Variants in XNDC1N observed in about 807,000 individuals in gnomAD.
The protein encoded by XNDC1N is protein XNDC1N.
the XNDC1N span, among the ~76,000 whole-genome samples, chr11:71,880,560 G>A: frequency 6.6e-6 from 1 of 151,956 alleles, no homozygotes; most frequent in Non-Finnish European, 1.5e-5. Context: ...TCCTAAGTTT[G>A]GATTTCATTT....
At chr11:71,872,508 G>T in the XNDC1N span, among the ~76,000 whole-genome samples, 1 of 152,068 alleles carries the variant, frequency 6.6e-6, no homozygotes, top group Non-Finnish European at 1.5e-5. Context: ...TGGATCACAA[G>T]ATCAGGAGAT....
At chr11:71,925,786 A>C in the XNDC1N span, 1 of 152,122 alleles carries the variant, frequency 6.6e-6, no homozygotes, top group African/African-American at 2.4e-5. Flanking sequence ...AGGCTGAGGC[A>C]GGAGAATGGC....
At chr11:71,865,794 T>G in the XNDC1N span, 46,881 of 417,678 alleles carry the variant, frequency 0.11, 6,143 homozygotes, top group African/African-American at 0.44. Flanking sequence ...GCTGTGGGGA[T>G]GTTTCCTTTA....
chr11:71,921,382 A>C, the XNDC1N span, among the ~76,000 whole-genome samples: 2 of 151,910 alleles, frequency 1.3e-5, no homozygotes, highest in African/African-American at 4.8e-5. Flanking sequence ...GGGCTCAAGC[A>C]ATCTGCCCGC....
the XNDC1N span, chr11:71,918,814 T>C: frequency 1.5e-5 from 10 of 682,350 alleles, 1 homozygote; most frequent in Admixed American, 1.7e-4. Flanking sequence ...TGAGACATGT[T>C]AGTGGAGTAG....
the XNDC1N span, among the ~76,000 whole-genome samples, chr11:71,921,925 A>C: frequency 1.3e-5 from 2 of 152,086 alleles, no homozygotes; most frequent in Non-Finnish European, 2.9e-5. Context: ...ACTCTGGGAG[A>C]CCAAGGCAGG....
At chr11:71,916,292 A>G in the XNDC1N span, 6 of 699,730 alleles carry the variant, frequency 8.6e-6, no homozygotes, top group African/African-American at 1.8e-5. Flanking sequence ...GGGGAATGGA[A>G]ATGCATAAAT....
chr11:71,872,645 G>A, the XNDC1N span, among the ~76,000 whole-genome samples: 25 of 152,128 alleles, frequency 1.6e-4, no homozygotes, highest in Non-Finnish European at 3.1e-4. Context: ...GGAGAATGGC[G>A]TGAACCTGGG....
chr11:71,891,470 C>G, the XNDC1N span, among the ~76,000 whole-genome samples: 1 of 151,808 alleles, frequency 6.6e-6, no homozygotes. Context: ...TGTCATCCTC[C>G]CCAAACCTGG....
chr11:71,917,453 C>G, the XNDC1N span: 1 of 651,034 alleles, frequency 1.5e-6, no homozygotes, highest in Non-Finnish European at 2.8e-6. Flanking sequence ...ATCTCACACA[C>G]AAGCACACCA....
At chr11:71,875,745 C>T in the XNDC1N span, among the ~76,000 whole-genome samples, 1 of 152,064 alleles carries the variant, frequency 6.6e-6, no homozygotes, top group Non-Finnish European at 1.5e-5. Flanking sequence ...AAGCTGGCAG[C>T]GCCGGGCACG....
the XNDC1N span, among the ~76,000 whole-genome samples, chr11:71,889,966 G>A: frequency 1.3e-5 from 2 of 152,136 alleles, no homozygotes; most frequent in African/African-American, 2.4e-5. Context: ...CTCAGACAAC[G>A]GGCCTGCGTT....
chr11:71,872,367 T>C, the XNDC1N span, among the ~76,000 whole-genome samples: 1 of 152,208 alleles, frequency 6.6e-6, no homozygotes, highest in South Asian at 2.1e-4. Flanking sequence ...ACTAATACAC[T>C]ACCCCTGTGA....
At chr11:71,875,304 T>G in the XNDC1N span, among the ~76,000 whole-genome samples, 1 of 152,060 alleles carries the variant, frequency 6.6e-6, no homozygotes, top group Non-Finnish European at 1.5e-5. Flanking sequence ...TAATGGAAAG[T>G]AAATAAACTA....
At chr11:71,894,982 T>C in the XNDC1N span, among the ~76,000 whole-genome samples, 1 of 152,194 alleles carries the variant, frequency 6.6e-6, no homozygotes, top group African/African-American at 2.4e-5. Flanking sequence ...TTTAGGCAGG[T>C]TATGTAGAGA....
the XNDC1N span, among the ~76,000 whole-genome samples, chr11:71,870,293 A>G: frequency 6.6e-6 from 1 of 152,112 alleles, no homozygotes; most frequent in Non-Finnish European, 1.5e-5. Flanking sequence ...TGATTGTGGA[A>G]TAAGGTGGGT....
chr11:71,908,186 CGATATT>C, the XNDC1N span, among the ~76,000 whole-genome samples: 3,424 of 151,148 alleles, frequency 0.023, 52 homozygotes, highest in African/African-American at 0.079. Context: ...TATGAATGAC[CGATATT>C]AATATTAATA....
At chr11:71,928,443 T>G in the XNDC1N span, 2 of 702,396 alleles carry the variant, frequency 2.8e-6, no homozygotes, top group South Asian at 3.0e-5. Context: ...AATTCGGCCT[T>G]CTGACCTTCG....
At chr11:71,916,353 A>G in the XNDC1N span, 1 of 628,150 alleles carries the variant, frequency 1.6e-6, no homozygotes, top group Non-Finnish European at 2.8e-6. Context: ...AGCTATAGAG[A>G]GTAACCTCCA....
Sources: allele counts gnomAD v4.1 joint callset (sites outside exome capture counted in the v4.1 genomes callset), GRCh38; gene constraint gnomAD v4.1.1; transcripts MANE v1.5; gene names NCBI Gene and HGNC (gene_info 2026-07-23, HGNC 2026-07-21).